CCDC192: variants seen among roughly 807,000 people sequenced by gnomAD.
CCDC192 encodes coiled-coil domain-containing protein 192.
intron 5 of CCDC192, chr5:127,857,768 G>A (rs1353245543): frequency 6.6e-6 from 1 of 152,142 alleles, no homozygotes; most frequent in Non-Finnish European, 1.5e-5. Flanking sequence ...CTTTATTGAG[G>A]CATGATTGCT....
At chr5:127,754,579 A>G (rs889390159) in intron 3 of CCDC192, among the ~76,000 whole-genome samples, 17 of 151,560 alleles carry the variant, frequency 1.1e-4, no homozygotes, top group Admixed American at 4.6e-4. Flanking sequence ...AACAGTGCTT[A>G]CTTTAGTCTG....
At chr5:127,937,213 C>T (rs545626151) in intron 6 of CCDC192, among the ~76,000 whole-genome samples, 1 of 152,192 alleles carries the variant, frequency 6.6e-6, no homozygotes, top group East Asian at 1.9e-4. Flanking sequence ...TCATTTAATA[C>T]ATGAGAACAG....
chr5:127,709,249 A>AGAGAC (rs1362199596), intron 2 of CCDC192, among the ~76,000 whole-genome samples: 1 of 112,336 alleles, frequency 8.9e-6, no homozygotes, highest in Admixed American at 1.0e-4. Context: ...GAGAGAGAGA[A>AGAGAC]ATGCTACACA....
chr5:127,880,102 G>T lies in CCDC192; in HGVS notation c.535+4441G>T, dbSNP rs1392721713. On this transcript the variant is annotated intron_variant, in intron 6 of 6. Coordinates refer to ENST00000514853, the MANE Select transcript of CCDC192 (RefSeq NM_001317938.2). ...ATATACCCAGCCATCCCATTACTGG[G>T]TATATACCCAAAGGACTATAAATCA... Among the ~76,000 whole-genome samples, 3 of 151,916 alleles carry T rather than the reference G, an allele frequency of 2.0e-5. No individual in the cohort carries two copies. The East Asian group carries it at 5.8e-4, about 30-fold the overall frequency.
intron 3 of CCDC192, among the ~76,000 whole-genome samples, chr5:127,766,904 G>A (rs1354976803): frequency 2.0e-5 from 3 of 152,176 alleles, no homozygotes; most frequent in Non-Finnish European, 4.4e-5. Flanking sequence ...AAATTCATCT[G>A]GGAACAGTTG....
intron 5 of CCDC192, among the ~76,000 whole-genome samples, chr5:127,817,685 G>A (rs915782290): frequency 6.6e-6 from 1 of 152,172 alleles, no homozygotes; most frequent in Non-Finnish European, 1.5e-5. Flanking sequence ...AAATGTTCTG[G>A]ACTCCGTAGT....
chr5:127,706,577 A>T (rs1291726128), intron 1 of CCDC192, among the ~76,000 whole-genome samples: 3 of 151,938 alleles, frequency 2.0e-5, no homozygotes, highest in Non-Finnish European at 4.4e-5. Flanking sequence ...CAACAATAGA[A>T]AGGAATCTGT....
At chr5:127,934,257 T>C (rs1754130384) in intron 6 of CCDC192, among the ~76,000 whole-genome samples, 1 of 152,236 alleles carries the variant, frequency 6.6e-6, no homozygotes, top group South Asian at 2.1e-4. Flanking sequence ...TGTTGCTAGG[T>C]GAAAACATAT....
intron 2 of CCDC192, 61 bp downstream of exon 2, chr5:127,707,821 A>C (rs950866124): frequency 2.0e-5 from 8 of 396,400 alleles, no homozygotes; most frequent in Non-Finnish European, 3.6e-5. Context: ...TAATGAAACT[A>C]ACTTCTTTAA....
intron 6 of CCDC192, among the ~76,000 whole-genome samples, chr5:127,890,453 T>TAA (rs35655743): frequency 0.074 from 10,066 of 135,828 alleles, 778 homozygotes; most frequent in East Asian, 0.28. Context: ...ACCCTGTATT[T>TAA]AAAAAAAAAA....
intron 3 of CCDC192, among the ~76,000 whole-genome samples, chr5:127,794,222 CA>C (rs1277799604): frequency 6.6e-6 from 1 of 152,154 alleles, no homozygotes; most frequent in East Asian, 1.9e-4. Flanking sequence ...CAATCAACAG[CA>C]AAGAGGATAG....
At chr5:127,903,729 A>G (rs1753120179) in intron 6 of CCDC192, among the ~76,000 whole-genome samples, 2 of 152,220 alleles carry the variant, frequency 1.3e-5, no homozygotes, top group Non-Finnish European at 2.9e-5. Context: ...TACAAATGTT[A>G]AAAGCTTGGT....
intron 3 of CCDC192, chr5:127,786,245 G>T: frequency 1.4e-6 from 1 of 701,988 alleles, no homozygotes; most frequent in South Asian, 1.6e-5. Context: ...TGTTCCTGAA[G>T]CACACAAGCC....
intron 6 of CCDC192, among the ~76,000 whole-genome samples, chr5:127,894,323 G>A (rs1396524026): frequency 6.6e-6 from 1 of 151,054 alleles, no homozygotes; most frequent in East Asian, 2.0e-4. Context: ...CTCCCGAGTA[G>A]CTGAGACTAC....
intron 5 of CCDC192, among the ~76,000 whole-genome samples, chr5:127,832,431 A>G (rs554399799): frequency 3.3e-5 from 5 of 152,200 alleles, no homozygotes; most frequent in Admixed American, 3.3e-4. Context: ...TCGCTGCAAA[A>G]TGATCTAGAC....
chr5:127,907,965 A>G (rs1753246035), intron 6 of CCDC192, among the ~76,000 whole-genome samples: 1 of 152,246 alleles, frequency 6.6e-6, no homozygotes, highest in Non-Finnish European at 1.5e-5. Flanking sequence ...GTTGTAATAA[A>G]CAGGCAGTGT....
intron 2 of CCDC192, chr5:127,739,881 C>G (rs1470672479): frequency 1.3e-5 from 2 of 153,994 alleles, no homozygotes; most frequent in African/African-American, 4.8e-5. Flanking sequence ...ATGCAGAAAT[C>G]ACCCGTCTTC....
chr5:127,895,537 T>A (rs1752856217), intron 6 of CCDC192, among the ~76,000 whole-genome samples: 1 of 152,136 alleles, frequency 6.6e-6, no homozygotes, highest in Admixed American at 6.6e-5. Flanking sequence ...AGATATTAAA[T>A]ACTTAGGTAA....
At chr5:127,800,818 T>C (rs1050430118) in intron 5 of CCDC192, among the ~76,000 whole-genome samples, 53 of 152,196 alleles carry the variant, frequency 3.5e-4, no homozygotes, top group African/African-American at 1.1e-3. Flanking sequence ...CTTTGGTTAG[T>C]TGTCAGGCCC....
Sources: gnomAD v4.1 joint callset for allele counts (sites outside exome capture counted in the v4.1 genomes callset) on GRCh38, gnomAD v4.1.1 for gene constraint, MANE v1.5 for transcripts, NCBI Gene and HGNC (gene_info 2026-07-23, HGNC 2026-07-21) for gene names.